The following TCF12 variants were observed in gnomAD, a reference collection of about 807,000 sequenced individuals.
TCF12 encodes the protein DNA-binding protein HTF4.
Under a neutral mutation model 86.0 loss-of-function variants are expected in TCF12, and 45 were observed. The observed-to-expected ratio is 0.52, with a 90% CI of 0.41 to 0.67. TCF12 has a LOEUF of 0.67. Ranked by LOEUF, TCF12 falls within the 30% of genes least tolerant of loss-of-function variation. The pLI, the probability that TCF12 is intolerant of heterozygous loss-of-function variation, is 0.00. For missense variants in TCF12, 881 were observed against 859.9 expected (o/e 1.02, Z -0.31); for synonymous variants, 330 against 299.6 (o/e 1.10, Z -1.05).
intron 3 of TCF12, among the ~76,000 whole-genome samples, chr15:56,934,598 T>G (rs559802372): frequency 4.6e-5 from 7 of 152,340 alleles, no homozygotes; most frequent in African/African-American, 1.7e-4. Flanking sequence ...CCTTTCCATT[T>G]AGAGTGTCTG....
chr15:57,136,191 A>G (rs2052506970), intron 5 of TCF12, among the ~76,000 whole-genome samples: 1 of 152,200 alleles, frequency 6.6e-6, no homozygotes, highest in African/African-American at 2.4e-5. Flanking sequence ...AAAGACAGCT[A>G]TCCCTTGCAG....
chr15:57,151,430 A>G (rs1320730030), intron 5 of TCF12, among the ~76,000 whole-genome samples: 2 of 152,276 alleles, frequency 1.3e-5, no homozygotes, highest in Admixed American at 1.3e-4. Context: ...AATGAAGATC[A>G]GAGGACCTCC....
At chr15:57,055,382 C>T (rs192562500) in intron 3 of TCF12, among the ~76,000 whole-genome samples, 376 of 152,212 alleles carry the variant, frequency 2.5e-3, no homozygotes, top group Non-Finnish European at 4.5e-3. Context: ...GCCTGGGTGA[C>T]GAGCAAAAAC....
intron 3 of TCF12, among the ~76,000 whole-genome samples, chr15:57,003,732 A>G (rs913368229): frequency 5.9e-5 from 9 of 152,202 alleles, no homozygotes; most frequent in African/African-American, 1.9e-4. Context: ...AATAAATTTT[A>G]TTAAATAGGC....
intron 6 of TCF12, among the ~76,000 whole-genome samples, chr15:57,182,302 G>T (rs1324018101): frequency 6.6e-6 from 1 of 152,028 alleles, no homozygotes; most frequent in East Asian, 1.9e-4. Context: ...ATCAAATAAA[G>T]AAAAATATAT....
Position 56,957,529 on chromosome 15 carries a change from A to ACTTTT in TCF12, c.148+36432_148+36433insTTTTC, listed in dbSNP as rs1260447462. Among the ~76,000 whole-genome samples the ACTTTT allele has an allele frequency of 3.5e-3, 534 of 152,240 alleles. 3 individuals carry two copies. The highest frequency in any genetic ancestry group is 0.012 in the African/African-American group (508 of 41,534). The stretch of plus-strand genomic sequence containing the variant: ...CTGTTCAGTGTACTTTTCATCTCAT[A>ACTTTT]CATTATGGTTTTCACCTTTGCAAGT... On this transcript the variant is annotated intron_variant, in intron 3 of 20. Coordinates refer to ENST00000333725, the MANE Select transcript of TCF12 (RefSeq NM_207037.2).
At chr15:57,245,593 A>G (rs1255417654) in intron 13 of TCF12, among the ~76,000 whole-genome samples, 1 of 152,206 alleles carries the variant, frequency 6.6e-6, no homozygotes, top group Non-Finnish European at 1.5e-5. Context: ...GTAGGAAGGC[A>G]GGCCATGGCA....
upstream of TCF12, chr15:56,918,398 G>A: frequency 2.7e-6 from 1 of 368,894 alleles, no homozygotes; most frequent in Non-Finnish European, 5.5e-6. Flanking sequence ...ACGAGGCTTC[G>A]TCGGCGAGCG....
intron 4 of TCF12, among the ~76,000 whole-genome samples, chr15:57,081,265 A>G (rs1010730105): frequency 2.8e-4 from 42 of 152,138 alleles, no homozygotes; most frequent in African/African-American, 2.4e-5. Context: ...TCAGTTCACA[A>G]TAGTTCTATC....
intron 5 of TCF12, among the ~76,000 whole-genome samples, chr15:57,161,787 A>G (rs761240694): frequency 6.6e-6 from 1 of 152,214 alleles, no homozygotes; most frequent in Non-Finnish European, 1.5e-5. Flanking sequence ...AGAACAATAG[A>G]TATTTTCATA....
At chr15:57,063,862 TG>T in intron 4 of TCF12, 39 bp downstream of exon 4, 1 of 1,478,778 alleles carries the variant, frequency 6.8e-7, no homozygotes, top group Non-Finnish European at 9.3e-7. Flanking sequence ...AGCTGTAATT[TG>T]GCAGACTACG....
chr15:57,089,622 T>C (rs2048864263), intron 4 of TCF12, among the ~76,000 whole-genome samples: 1 of 152,058 alleles, frequency 6.6e-6, no homozygotes, highest in African/African-American at 2.4e-5. Flanking sequence ...GTTTTTACTT[T>C]TTGTTGTTCA....
intron 5 of TCF12, among the ~76,000 whole-genome samples, chr15:57,093,491 A>G (rs1853758314): frequency 6.6e-6 from 1 of 152,162 alleles, no homozygotes; most frequent in Non-Finnish European, 1.5e-5. Flanking sequence ...TCACTCATAG[A>G]GATGACTTTT....
chr15:57,051,820 A>G (rs1340270199), intron 3 of TCF12, among the ~76,000 whole-genome samples: 1 of 152,172 alleles, frequency 6.6e-6, no homozygotes, highest in South Asian at 2.1e-4. Context: ...AATTTTTCAT[A>G]TGATGTGAGA....
At chr15:57,284,312 A>G (rs2061837492) in intron 20 of TCF12, among the ~76,000 whole-genome samples, 1 of 152,024 alleles carries the variant, frequency 6.6e-6, no homozygotes, top group Non-Finnish European at 1.5e-5. Context: ...GGTTTGAGCA[A>G]TTCTTCCACC....
In TCF12 at chr15:57,192,214, A is replaced by G; in HGVS notation, c.447A>G (p.Ser149=). ...GGAGCCCAGCACAGCTATCTTCTTC[A>G]GGAAAACCTGGGACAGCATACTATT... The part of the protein sequence containing the change: ...GLGSPAQLSS[S]GKPGTAYYSF... The change falls in exon 7 of 21, where the codon TCA becomes TCG. Residue 149 remains serine, a synonymous_variant. Coordinates refer to ENST00000333725, the MANE Select transcript of TCF12 (RefSeq NM_207037.2). 1.2e-6 allele frequency: 2 copies of G among 1,614,164 alleles called. No homozygotes were observed. The highest frequency in any genetic ancestry group is 2.2e-5 in the East Asian group (1 of 44,880).
chr15:57,278,970 T>TTCTTG (rs1358485065), intron 19 of TCF12, among the ~76,000 whole-genome samples: 1 of 151,126 alleles, frequency 6.6e-6, no homozygotes, highest in Non-Finnish European at 1.5e-5. Context: ...TTCCTTTCTT[T>TTCTTG]TCTTGTCTTG....
chr15:57,183,474 C>T (rs1396896474), intron 6 of TCF12, among the ~76,000 whole-genome samples: 2 of 152,164 alleles, frequency 1.3e-5, no homozygotes, highest in Non-Finnish European at 2.9e-5. Flanking sequence ...ATTTCTGCCC[C>T]TATTCTCTTG....
intron 6 of TCF12, among the ~76,000 whole-genome samples, chr15:57,180,264 TGA>T (rs2056243025): frequency 6.6e-6 from 1 of 152,200 alleles, no homozygotes; most frequent in African/African-American, 2.4e-5. Context: ...TGACTTGGGG[TGA>T]GAGACTTCTT....
Sources: gnomAD v4.1 joint callset for allele counts (sites outside exome capture counted in the v4.1 genomes callset) on GRCh38, gnomAD v4.1.1 for gene constraint, MANE v1.5 for transcripts, NCBI Gene and HGNC (gene_info 2026-07-23, HGNC 2026-07-21) for gene names.